ANK1: variants seen among roughly 807,000 people sequenced by gnomAD.
The protein encoded by ANK1 is ankyrin-1.
Under a neutral mutation model 210.4 loss-of-function variants are expected in ANK1, and 51 were observed. The ratio of observed to expected loss-of-function variants is 0.24; its 90% confidence interval spans 0.19 to 0.31. The LOEUF (loss-of-function observed/expected upper bound fraction) is 0.31, where lower values mean the gene tolerates loss of function less well. Among genes scored for constraint, ANK1 ranks in the 10% least tolerant of loss-of-function variants. The pLI, the probability that ANK1 is intolerant of heterozygous loss-of-function variation, is 1.00. For synonymous variants in ANK1, 967 were observed against 1,025.9 expected (o/e 0.94, Z 1.10); for missense variants, 2,051 against 2,504.4 (o/e 0.82, Z 3.86).
At position 41,684,619 on chromosome 8, in the gene ANK1, G is replaced by A. The variant is rs777701149; in HGVS notation, c.4462C>T (p.Arg1488Ter). ...TCTGGCTTCAAGTTGCGGCTCTGTC[G>A]GCCGGAACCCTCCAGCATGTTCACG... Reference protein sequence around the residue: ...EIVNMLEGSGRQSRNLKPDRR... With the variant: ...EIVNMLEGSG The change falls in exon 37 of 43, where the codon CGA becomes TGA. Residue 1488 changes from arginine to a stop codon, truncating the protein, a stop_gained. Coordinates refer to ENST00000289734, the MANE Select transcript of ANK1 (RefSeq NM_000037.4). LOFTEE classifies it high-confidence loss of function. 2 of 1,613,750 alleles carry A rather than the reference G, an allele frequency of 1.2e-6. No individual in the cohort carries two copies. The highest frequency in any genetic ancestry group is 1.7e-6 in the Non-Finnish European group (2 of 1,180,018).
rs61003954 is a variant in ANK1 at position 41,673,997 on chromosome 8, A to G, written c.4538-1085T>C. On this transcript the variant is annotated intron_variant, in intron 37 of 42. Coordinates refer to ENST00000289734, the MANE Select transcript of ANK1 (RefSeq NM_000037.4). ...AGATGTCCAGACACCCCCAGCCTAGAGTTCAAACCTAGTTCAAATGCTCCA... is the reference window on the plus strand; with the variant it reads ...AGATGTCCAGACACCCCCAGCCTAGGGTTCAAACCTAGTTCAAATGCTCCA... Among the ~76,000 whole-genome samples, 413 of 151,986 alleles carry G rather than the reference A, an allele frequency of 2.7e-3. 3 individuals are homozygous for G. The highest frequency in any genetic ancestry group is 9.3e-3 in the African/African-American group (384 of 41,466).
chr8:41,867,128 C>T (rs1483684584), intron 1 of ANK1, among the ~76,000 whole-genome samples: 3 of 152,296 alleles, frequency 2.0e-5, no homozygotes, highest in East Asian at 3.9e-4. Flanking sequence ...GGAGAAGCAG[C>T]GAAGGTGCAA....
chr8:41,808,449 G>A (rs1013301538), intron 1 of ANK1, among the ~76,000 whole-genome samples: 8 of 152,100 alleles, frequency 5.3e-5, no homozygotes, highest in African/African-American at 1.9e-4. Flanking sequence ...TGGATCACTT[G>A]AGGTCAGGAA....
At chr8:41,784,309 T>A (rs1361449889) in intron 1 of ANK1, among the ~76,000 whole-genome samples, 1 of 152,156 alleles carries the variant, frequency 6.6e-6, no homozygotes, top group East Asian at 1.9e-4. Flanking sequence ...ACTAACACCA[T>A]CAAAACAAAG....
chr8:41,817,671 C>T (rs1563836672), intron 1 of ANK1, among the ~76,000 whole-genome samples: 1 of 152,180 alleles, frequency 6.6e-6, no homozygotes, highest in Non-Finnish European at 1.5e-5. Flanking sequence ...TTCTTTCTTT[C>T]TGAGTACACA....
In ANK1 at chr8:41,755,294, C is replaced by T. The variant is rs185351861; in HGVS notation, c.129+2742G>A. Among the ~76,000 whole-genome samples the T allele has an allele frequency of 1.1e-4, 17 of 152,356 alleles. No homozygotes were observed. In the East Asian group the frequency reaches 3.3e-3, roughly 29 times the overall value. ...CACCCAAGGCCTCTCCAACGGGAGA[C>T]CAATCAGGACACAGCTATTCCCTGG... On this transcript the variant is annotated intron_variant, in intron 2 of 42. Coordinates refer to ENST00000289734, the MANE Select transcript of ANK1 (RefSeq NM_000037.4).
At chr8:41,883,386 T>C (rs760299004) in intron 1 of ANK1, among the ~76,000 whole-genome samples, 1 of 152,262 alleles carries the variant, frequency 6.6e-6, no homozygotes, top group Non-Finnish European at 1.5e-5. Flanking sequence ...CATTCTGCCC[T>C]GTGGCCTTGT....
intron 1 of ANK1, chr8:41,828,677 A>G (rs1386098534): frequency 6.5e-6 from 1 of 154,024 alleles, no homozygotes; most frequent in Non-Finnish European, 1.5e-5. Flanking sequence ...TCGCACTACA[A>G]TGACCGGGCT....
At chr8:41,890,708 CAAAAA>C (rs557921949) in intron 1 of ANK1, among the ~76,000 whole-genome samples, 8 of 63,022 alleles carry the variant, frequency 1.3e-4, no homozygotes, top group Non-Finnish European at 2.0e-4. Flanking sequence ...GACTCCGTCT[CAAAAA>C]AAAAAAAAAA....
At chr8:41,881,030 CAG>C (rs998277216) in intron 1 of ANK1, among the ~76,000 whole-genome samples, 7 of 152,346 alleles carry the variant, frequency 4.6e-5, no homozygotes, top group African/African-American at 1.4e-4. Flanking sequence ...TGCCAGAGTA[CAG>C]AGAGTTGGGC....
At chr8:41,795,832 T>G (rs1232294345) in intron 1 of ANK1, among the ~76,000 whole-genome samples, 1 of 152,134 alleles carries the variant, frequency 6.6e-6, no homozygotes, top group Non-Finnish European at 1.5e-5. Flanking sequence ...TAAGTTCTGG[T>G]GTTTGATAGC....
chr8:41,687,326 G>T (rs1356217921), intron 35 of ANK1, among the ~76,000 whole-genome samples: 42 of 152,222 alleles, frequency 2.8e-4, no homozygotes, highest in Admixed American at 2.6e-3. Flanking sequence ...CACAGTGCTG[G>T]ATACTGACCA....
chr8:41,718,012 G>T, intron 11 of ANK1, 94 bp downstream of exon 11: 1 of 1,209,160 alleles, frequency 8.3e-7, no homozygotes, highest in Non-Finnish European at 1.2e-6. Flanking sequence ...ACACACCCCT[G>T]CAGCCATACA....
chr8:41,827,758 TCACA>T (rs1268181386), intron 1 of ANK1, among the ~76,000 whole-genome samples: 1 of 136,080 alleles, frequency 7.3e-6, no homozygotes. Context: ...ATACACCCAC[TCACA>T]CACCCCACAC....
chr8:41,810,273 G>T (rs2150782928), intron 1 of ANK1, among the ~76,000 whole-genome samples: 1 of 152,362 alleles, frequency 6.6e-6, no homozygotes, highest in Middle Eastern at 3.4e-3. Context: ...GGGGAGGAAA[G>T]TCCGTCAGAC....
intron 16 of ANK1, among the ~76,000 whole-genome samples, chr8:41,711,341 T>A (rs187345355): frequency 6.6e-6 from 1 of 152,342 alleles, no homozygotes; most frequent in Non-Finnish European, 1.5e-5. Flanking sequence ...CCTTAAAAAC[T>A]GAATTCCCAG....
chr8:41,786,018 C>T (rs77828209), intron 1 of ANK1, among the ~76,000 whole-genome samples: 7,738 of 152,278 alleles, frequency 0.051, 624 homozygotes, highest in African/African-American at 0.17. Context: ...TTAAAGGCAC[C>T]TCCCTGCAGA....
rs1024516601 is a variant in ANK1, at chr8:41,706,313, G to A, written c.1999-72C>T. On this transcript the variant is annotated intron_variant, in intron 17 of 42. Transcript: ENST00000289734. ...CAGGCCACAAGTAAAGAGCTCTGAG[G>A]TCTGGGAGCTGAAGCTAACTTTGCA... is the stretch of plus-strand genomic sequence containing the variant. 45 of 1,401,070 alleles carry A rather than the reference G, an allele frequency of 3.2e-5. No homozygotes were observed. The African/African-American group carries it at 5.7e-4, about 18-fold the overall frequency. The allele number at this position is 1,401,070 out of a possible 1,614,324, so 86.8% of individuals were successfully genotyped here. A position where few individuals can be genotyped will look rare whatever the true frequency, so the allele number is the denominator to read the frequency against.
intron 1 of ANK1, among the ~76,000 whole-genome samples, chr8:41,824,475 A>G (rs1805005993): frequency 6.6e-6 from 1 of 152,204 alleles, no homozygotes; most frequent in Admixed American, 6.5e-5. Flanking sequence ...TCATTTTAAG[A>G]CTTTGCAAAT....
Sources: gnomAD v4.1 joint callset for allele counts (sites outside exome capture counted in the v4.1 genomes callset) on GRCh38, gnomAD v4.1.1 for gene constraint, MANE v1.5 for transcripts, NCBI Gene and HGNC (gene_info 2026-07-23, HGNC 2026-07-21) for gene names.